RALGPS2: variants seen among roughly 807,000 people sequenced by gnomAD.
RALGPS2 encodes ras-specific guanine nucleotide-releasing factor RalGPS2.
RALGPS2 carries 43 observed loss-of-function variants against 86.8 expected under a neutral mutation model. The observed-to-expected ratio is 0.50, with a 90% CI of 0.39 to 0.64. The LOEUF (loss-of-function observed/expected upper bound fraction) is 0.64, where lower values mean the gene tolerates loss of function less well. Ranked by LOEUF, RALGPS2 falls within the 30% of genes least tolerant of loss-of-function variation. The probability of loss-of-function intolerance (pLI) is 0.00; values close to 1 mark genes in which losing one functional copy is unlikely to be tolerated. For missense variants in RALGPS2, 536 were observed against 694.6 expected (o/e 0.77, Z 2.57); for synonymous variants, 243 against 231.3 (o/e 1.05, Z -0.46).
Position 178,758,304 on chromosome 1 carries a change from C to A in RALGPS2, c.-83-18378C>A, listed in dbSNP as rs180936979. ...AGTAGGTGTATGTATTTAGGTGGTA[C>A]GAGATACTTTGATAGAGGCATACAG... On this transcript the variant is annotated intron_variant, in intron 1 of 19. Coordinates refer to ENST00000367635, the MANE Select transcript of RALGPS2 (RefSeq NM_152663.5). 1.7e-4 allele frequency among the ~76,000 whole-genome samples: 26 copies of A among 151,932 alleles called. No homozygotes were observed. In the East Asian group the frequency reaches 4.6e-3, roughly 27 times the overall value.
intron 1 of RALGPS2, among the ~76,000 whole-genome samples, chr1:178,734,632 A>T (rs1650571763): frequency 6.6e-6 from 1 of 152,264 alleles, no homozygotes; most frequent in Non-Finnish European, 1.5e-5. Context: ...TGAGAAGAGC[A>T]AGATGCAGAG....
intron 1 of RALGPS2, among the ~76,000 whole-genome samples, chr1:178,735,717 A>AT (rs1424428936): frequency 6.7e-6 from 1 of 148,560 alleles, no homozygotes; most frequent in Non-Finnish European, 1.5e-5. Flanking sequence ...TGTACATTAT[A>AT]TTTGTACATG....
intron 4 of RALGPS2, among the ~76,000 whole-genome samples, chr1:178,801,531 T>C (rs1654476375): frequency 1.3e-5 from 2 of 152,272 alleles, no homozygotes; most frequent in South Asian, 4.1e-4. Context: ...ATTTTTACAT[T>C]AAAAAAATTT....
At position 178,885,958 on chromosome 1, in the gene RALGPS2, T is replaced by C. The variant is rs913303526; in HGVS notation, c.1041-11T>C. The C allele has an allele frequency of 1.3e-6, 2 of 1,567,950 alleles. No homozygotes were observed. The highest frequency in any genetic ancestry group is 2.8e-5 in the African/African-American group (2 of 72,156). On this transcript the variant is annotated splice_polypyrimidine_tract_variant and intron_variant, in intron 12 of 19. Transcript: ENST00000367635. ...ATAATAAAAGATATGAACTTTTTTT[T>C]CTGTTTCTAGTTTCATTCATAAAAT...
At chr1:178,901,521 A>G (rs766360470) in intron 17 of RALGPS2, among the ~76,000 whole-genome samples, 7 of 152,038 alleles carry the variant, frequency 4.6e-5, no homozygotes, top group Non-Finnish European at 1.0e-4. Context: ...TGTAGCTAAA[A>G]TAATAATAAA....
intron 16 of RALGPS2, among the ~76,000 whole-genome samples, chr1:178,896,759 A>G (rs1459217575): frequency 6.8e-6 from 1 of 147,340 alleles, no homozygotes; most frequent in African/African-American, 2.6e-5. Context: ...ATGATTTCCA[A>G]TTTCATCCAT....
intron 5 of RALGPS2, among the ~76,000 whole-genome samples, chr1:178,810,018 A>G (rs1001047436): frequency 6.6e-6 from 1 of 152,028 alleles, no homozygotes; most frequent in African/African-American, 2.4e-5. Context: ...CGGCTGAGAC[A>G]GGAGGATCAC....
chr1:178,821,883 A>G (rs183840950), intron 7 of RALGPS2, among the ~76,000 whole-genome samples, 179 bp downstream of exon 7: 1 of 152,286 alleles, frequency 6.6e-6, no homozygotes, highest in Non-Finnish European at 1.5e-5. Flanking sequence ...TGCACTGGGT[A>G]TAAGGTAATT....
intron 4 of RALGPS2, among the ~76,000 whole-genome samples, chr1:178,787,791 T>G (rs75073900): frequency 4.7e-4 from 72 of 152,304 alleles, no homozygotes; most frequent in African/African-American, 1.7e-3. Flanking sequence ...AACACCCCAA[T>G]GTAAAATACT....
intron 4 of RALGPS2, 145 bp downstream of exon 4, chr1:178,785,752 T>C: frequency 9.7e-7 from 1 of 1,026,592 alleles, no homozygotes; most frequent in Non-Finnish European, 1.4e-6. Context: ...TGTTTGGGCC[T>C]CAGAAACCCA....
At chr1:178,829,539 T>C (rs1655914118) in intron 7 of RALGPS2, among the ~76,000 whole-genome samples, 1 of 152,096 alleles carries the variant, frequency 6.6e-6, no homozygotes, top group African/African-American at 2.4e-5. Flanking sequence ...GTGGAACAGT[T>C]TCATCCCAAA....
rs189396402 is a variant in RALGPS2, at chr1:178,726,555, C to A, written c.-84+1136C>A. Among the ~76,000 whole-genome samples the A allele has an allele frequency of 3.9e-3, 589 of 149,612 alleles. 4 individuals are homozygous for A. Among genetic ancestry groups the A allele is most frequent in the South Asian group, 2.1e-3 (10 of 4,720 alleles). ...CTAAATTTCTGTTAAAAAAAAAAAA[C>A]CCCAAAAGAAATATCTAATGCCTAC... On this transcript the variant is annotated intron_variant, in intron 1 of 19. Coordinates refer to ENST00000367635, the MANE Select transcript of RALGPS2 (RefSeq NM_152663.5).
chr1:178,776,449 T>C (rs1653088810), intron 1 of RALGPS2, among the ~76,000 whole-genome samples: 1 of 152,194 alleles, frequency 6.6e-6, no homozygotes, highest in South Asian at 2.1e-4. Context: ...ATGCTTTTGC[T>C]TTGCTTATGA....
chr1:178,727,434 T>C (rs1282168525), intron 1 of RALGPS2, among the ~76,000 whole-genome samples: 1 of 152,214 alleles, frequency 6.6e-6, no homozygotes, highest in Non-Finnish European at 1.5e-5. Context: ...AAATACTGTT[T>C]AGTTTGCCTA....
chr1:178,796,760 C>T (rs1558123701), intron 4 of RALGPS2, among the ~76,000 whole-genome samples: 1 of 152,156 alleles, frequency 6.6e-6, no homozygotes, highest in Admixed American at 6.5e-5. Flanking sequence ...TTCAGTAATT[C>T]TTTCATAGGG....
intron 1 of RALGPS2, among the ~76,000 whole-genome samples, chr1:178,756,951 A>C (rs958084862): frequency 2.0e-5 from 3 of 152,070 alleles, no homozygotes; most frequent in South Asian, 2.1e-4. Context: ...ATTTGTTTGC[A>C]TCATATGTGA....
intron 17 of RALGPS2, among the ~76,000 whole-genome samples, chr1:178,899,322 A>T (rs542374139): frequency 6.6e-6 from 1 of 151,962 alleles, no homozygotes; most frequent in East Asian, 1.9e-4. Context: ...AGAAAATCTT[A>T]TTGAGTACCA....
At chr1:178,880,865 G>A (rs1659215185) in intron 10 of RALGPS2, among the ~76,000 whole-genome samples, 1 of 152,178 alleles carries the variant, frequency 6.6e-6, no homozygotes, top group Non-Finnish European at 1.5e-5. Flanking sequence ...TGCTAAAAGG[G>A]TAGACTTAGC....
chr1:178,781,501 G>C (rs1653393521), intron 2 of RALGPS2, among the ~76,000 whole-genome samples: 3 of 152,136 alleles, frequency 2.0e-5, no homozygotes, highest in African/African-American at 4.8e-5. Flanking sequence ...TATTCTCCTG[G>C]TGAACATTAT....
Sources: gnomAD v4.1 joint callset for allele counts (sites outside exome capture counted in the v4.1 genomes callset) on GRCh38, gnomAD v4.1.1 for gene constraint, MANE v1.5 for transcripts, NCBI Gene and HGNC (gene_info 2026-07-23, HGNC 2026-07-21) for gene names.